The following FOXP1 variants were observed in gnomAD, a reference collection of about 807,000 sequenced individuals.
The protein encoded by FOXP1 is forkhead box P1.
Under a neutral mutation model 98.2 loss-of-function variants are expected in FOXP1, and 15 were observed. The ratio of observed to expected loss-of-function variants is 0.15; its 90% CI spans 0.10 to 0.24. The LOEUF (loss-of-function observed/expected upper bound fraction) is 0.24, where lower values mean the gene tolerates loss of function less well. Ranked by LOEUF, FOXP1 falls within the 10% of genes least tolerant of loss-of-function variation. FOXP1 has a pLI of 1.00. For missense variants in FOXP1, 633 were observed against 848.5 expected, an observed-to-expected ratio of 0.75 and a Z score of 3.15; for synonymous variants, 371 against 314.5, an observed-to-expected ratio of 1.18 and a Z score of -1.90.
intron 6 of FOXP1, among the ~76,000 whole-genome samples, chr3:71,120,872 T>C (rs975739582): frequency 9.2e-5 from 14 of 152,214 alleles, no homozygotes; most frequent in Non-Finnish European, 1.5e-4. Flanking sequence ...TGGTTATCAT[T>C]GCTATGATGC....
chr3:71,355,692 A>G (rs1008177756), intron 4 of FOXP1, among the ~76,000 whole-genome samples: 1 of 152,192 alleles, frequency 6.6e-6, no homozygotes, highest in Admixed American at 6.5e-5. Context: ...ATGGAAGCAA[A>G]GCCTATGTCA....
At chr3:71,321,969 C>T (rs2075414827) in intron 4 of FOXP1, among the ~76,000 whole-genome samples, 1 of 152,202 alleles carries the variant, frequency 6.6e-6, no homozygotes. Context: ...CTTAACTTTG[C>T]TGATCTTCAC....
intron 5 of FOXP1, among the ~76,000 whole-genome samples, chr3:71,294,816 T>A (rs904557166): frequency 3.3e-5 from 5 of 152,052 alleles, no homozygotes; most frequent in Non-Finnish European, 5.9e-5. Flanking sequence ...TGACAATGAG[T>A]GGGATGTATA....
chr3:71,339,706 T>C (rs983217145), intron 4 of FOXP1, among the ~76,000 whole-genome samples: 1 of 152,204 alleles, frequency 6.6e-6, no homozygotes, highest in Admixed American at 6.5e-5. Context: ...GGTAGCAGTA[T>C]GGTACAAGAA....
In FOXP1 at chr3:71,392,054, T is replaced by C. The variant is rs2081076011; in HGVS notation, c.-167-32810A>G. Among the ~76,000 whole-genome samples, 3 of 152,356 alleles carry C rather than the reference T, an allele frequency of 2.0e-5. No homozygotes were observed. The South Asian group carries it at 6.2e-4, about 32-fold the overall frequency. On this transcript the variant is annotated intron_variant, in intron 3 of 20. Transcript: ENST00000649528. ...CAAAACAGTTCATTAGAAATAGACC[T>C]GTCTCTGAATTTTCTTTAGAAAACA...
intron 7 of FOXP1, among the ~76,000 whole-genome samples, chr3:71,058,356 G>A (rs912639348): frequency 2.0e-5 from 3 of 152,006 alleles, no homozygotes; most frequent in African/African-American, 7.3e-5. Context: ...GCTAAACACT[G>A]TTTCATTTTT....
chr3:71,097,533 A>C (rs1358221873), intron 7 of FOXP1, among the ~76,000 whole-genome samples: 1 of 152,200 alleles, frequency 6.6e-6, no homozygotes, highest in Non-Finnish European at 1.5e-5. Flanking sequence ...AAAAGTTCCA[A>C]GCAAACATGG....
chr3:71,477,364 T>A (rs540581388), intron 3 of FOXP1, among the ~76,000 whole-genome samples: 2 of 152,302 alleles, frequency 1.3e-5, no homozygotes, highest in East Asian at 3.9e-4. Context: ...ACTGTAAAAC[T>A]CTCGTAATCA....
chr3:71,035,225 C>T (rs1450831246), intron 11 of FOXP1, among the ~76,000 whole-genome samples: 1 of 152,114 alleles, frequency 6.6e-6, no homozygotes, highest in African/African-American at 2.4e-5. Context: ...AGGGCAAATG[C>T]AAATTCCTGC....
chr3:71,471,188 T>TAA (rs2089306944), intron 3 of FOXP1, among the ~76,000 whole-genome samples: 1 of 152,100 alleles, frequency 6.6e-6, no homozygotes, highest in Admixed American at 6.6e-5. Context: ...TTATGAGGTT[T>TAA]ACACCCCAAA....
intron 3 of FOXP1, among the ~76,000 whole-genome samples, chr3:71,445,302 A>C (rs2086313125): frequency 6.6e-6 from 1 of 152,238 alleles, no homozygotes; most frequent in African/African-American, 2.4e-5. Flanking sequence ...GGTGTACTGC[A>C]CAACTGAAAC....
At chr3:71,447,820 C>T (rs1008159468) in intron 3 of FOXP1, among the ~76,000 whole-genome samples, 1 of 152,156 alleles carries the variant, frequency 6.6e-6, no homozygotes, top group African/African-American at 2.4e-5. Context: ...TTCTCTTTCA[C>T]CCTACTCAAG....
chr3:71,501,250 T>A (rs1186711003), intron 2 of FOXP1, among the ~76,000 whole-genome samples: 2 of 151,378 alleles, frequency 1.3e-5, no homozygotes, highest in Non-Finnish European at 2.9e-5. Context: ...TACTACAGAG[T>A]GAGCATCACT....
chr3:71,360,698 G>C (rs1186214282), intron 3 of FOXP1: 1 of 152,136 alleles, frequency 6.6e-6, no homozygotes, highest in East Asian at 1.9e-4. Context: ...CTATAGAATG[G>C]GTAGAAAGCC....
At chr3:71,562,814 T>C (rs1375115116) in intron 2 of FOXP1, among the ~76,000 whole-genome samples, 5 of 152,218 alleles carry the variant, frequency 3.3e-5, no homozygotes, top group Non-Finnish European at 7.3e-5. Flanking sequence ...TTCTTGGGTC[T>C]TACTCAAATA....
At chr3:71,391,693 T>C (rs1220737177) in intron 3 of FOXP1, among the ~76,000 whole-genome samples, 2 of 152,226 alleles carry the variant, frequency 1.3e-5, no homozygotes, top group Admixed American at 1.3e-4. Context: ...CTCTCAGCAT[T>C]GGGCAGCTGA....
At chr3:71,366,430 G>T (rs1436465232) in intron 3 of FOXP1, among the ~76,000 whole-genome samples, 2 of 152,142 alleles carry the variant, frequency 1.3e-5, no homozygotes, top group Non-Finnish European at 2.9e-5. Flanking sequence ...AAATAAGCAA[G>T]ATAGGAAAAT....
At chr3:71,074,435 C>G (rs1342466102) in intron 7 of FOXP1, among the ~76,000 whole-genome samples, 2 of 152,156 alleles carry the variant, frequency 1.3e-5, no homozygotes, top group Non-Finnish European at 2.9e-5. Context: ...TCCTATTGGC[C>G]AGGCTGGTCT....
intron 5 of FOXP1, among the ~76,000 whole-genome samples, chr3:71,297,158 T>C (rs1371319066): frequency 1.3e-5 from 2 of 152,184 alleles, no homozygotes; most frequent in Non-Finnish European, 2.9e-5. Context: ...ACTGAGCATA[T>C]AAAATACTTT....
Sources: gnomAD v4.1 joint callset for allele counts (sites outside exome capture counted in the v4.1 genomes callset) on GRCh38, gnomAD v4.1.1 for gene constraint, MANE v1.5 for transcripts, NCBI Gene and HGNC (gene_info 2026-07-23, HGNC 2026-07-21) for gene names.